UMAD1: variants seen among roughly 807,000 people sequenced by gnomAD.
The protein encoded by UMAD1 is UBAP1-MVB12-associated (UMA) domain containing 1, also known as UBAP1-MVB12-associated (UMA)-domain containing protein 1.
Under a neutral mutation model 6.1 loss-of-function variants are expected in UMAD1, and 8 were observed. The observed-to-expected ratio is 1.30, with a 90% CI of 0.76 to 2.35. UMAD1 has a LOEUF of 2.35. Among genes scored for constraint, UMAD1 ranks in the 30% most tolerant of loss-of-function variants. The pLI is 0.00. For missense variants in UMAD1, 130 were observed against 78.4 expected (o/e 1.66, Z -2.49); for synonymous variants, 56 against 31.4 (o/e 1.78, Z -2.61).
chr7:7,812,729 T>C (rs771004509), intron 3 of UMAD1, among the ~76,000 whole-genome samples: 2 of 152,024 alleles, frequency 1.3e-5, no homozygotes, highest in Admixed American at 6.5e-5. Flanking sequence ...TTTATAGCTT[T>C]AAAAACCACA....
At chr7:7,654,941 T>C in intron 1 of UMAD1, among the ~76,000 whole-genome samples, 1 of 151,916 alleles carries the variant, frequency 6.6e-6, no homozygotes, top group East Asian at 1.9e-4. Context: ...TTAATTGTTG[T>C]ACTGTTTTTT....
chr7:7,770,511 C>T (rs971605648), intron 2 of UMAD1, among the ~76,000 whole-genome samples: 1 of 152,138 alleles, frequency 6.6e-6, no homozygotes, highest in Non-Finnish European at 1.5e-5. Context: ...TATGTAGGAA[C>T]ATTGGCTGTG....
intron 3 of UMAD1, among the ~76,000 whole-genome samples, chr7:7,851,565 G>A (rs1433852875): frequency 6.6e-6 from 1 of 152,138 alleles, no homozygotes; most frequent in Non-Finnish European, 1.5e-5. Context: ...ACCAGAAGTT[G>A]TTATTATCTG....
chr7:7,777,259 T>C (rs1306000674), intron 2 of UMAD1, among the ~76,000 whole-genome samples: 4 of 151,580 alleles, frequency 2.6e-5, no homozygotes, highest in South Asian at 2.1e-4. Context: ...GTAATCCCAG[T>C]ACTTTGGGTG....
rs1205477014 is a variant in UMAD1, at chr7:7,712,734, C to T, written c.82+39281C>T. 2.0e-5 allele frequency among the ~76,000 whole-genome samples: 3 copies of T among 152,298 alleles called. No individual in the cohort carries two copies. The East Asian group carries it at 5.8e-4, about 29-fold the overall frequency. ...TGAAGAGAAGTGTCAAAGAAAACAT[C>T]TTTTCCCCACTTTTGATTGTAAAAA... is the stretch of plus-strand genomic sequence containing the variant. On this transcript the variant is annotated intron_variant, in intron 2 of 3. Transcript: ENST00000682710.
At chr7:7,754,241 CT>C (rs1781733966) in intron 2 of UMAD1, among the ~76,000 whole-genome samples, 1 of 151,930 alleles carries the variant, frequency 6.6e-6, no homozygotes, top group South Asian at 2.1e-4. Flanking sequence ...CAGGGGTTCC[CT>C]TTTCTCCACA....
At chr7:7,849,768 A>G (rs1783878144) in intron 3 of UMAD1, among the ~76,000 whole-genome samples, 1 of 150,080 alleles carries the variant, frequency 6.7e-6, no homozygotes, top group Non-Finnish European at 1.5e-5. Flanking sequence ...AGCAAATGAA[A>G]TAATCTGTGG....
chr7:7,829,066 G>T (rs1783407035), intron 3 of UMAD1, among the ~76,000 whole-genome samples: 1 of 152,168 alleles, frequency 6.6e-6, no homozygotes, highest in African/African-American at 2.4e-5. Flanking sequence ...ATGTAAGTGT[G>T]TTGTAATAGC....
chr7:7,772,789 G>A (rs762622197), intron 2 of UMAD1, among the ~76,000 whole-genome samples: 1 of 152,176 alleles, frequency 6.6e-6, no homozygotes, highest in Non-Finnish European at 1.5e-5. Context: ...AGATGGTAGG[G>A]TACAGTTTGT....
At chr7:7,784,976 C>T in intron 2 of UMAD1, among the ~76,000 whole-genome samples, 1 of 152,082 alleles carries the variant, frequency 6.6e-6, no homozygotes, top group East Asian at 1.9e-4. Flanking sequence ...GTCCTTCCTT[C>T]TTAGAAAGGT....
chr7:7,702,634 A>C (rs552828059), intron 2 of UMAD1, among the ~76,000 whole-genome samples: 13 of 152,316 alleles, frequency 8.5e-5, no homozygotes, highest in African/African-American at 2.9e-4. Context: ...TAAAAAGCAA[A>C]AGTTTCTTAA....
chr7:7,753,758 T>C (rs557984433), intron 2 of UMAD1, among the ~76,000 whole-genome samples: 2 of 152,366 alleles, frequency 1.3e-5, no homozygotes, highest in Admixed American at 1.3e-4. Flanking sequence ...ATCTCTTCAA[T>C]ATACTGATTT....
intron 3 of UMAD1, among the ~76,000 whole-genome samples, chr7:7,838,521 G>A (rs780379624): frequency 9.2e-5 from 14 of 152,126 alleles, no homozygotes; most frequent in Admixed American, 2.0e-4. Flanking sequence ...AATACAATTA[G>A]TAAAACCACT....
At chr7:7,714,740 G>T (rs1780850556) in intron 2 of UMAD1, among the ~76,000 whole-genome samples, 1 of 152,074 alleles carries the variant, frequency 6.6e-6, no homozygotes, top group Admixed American at 6.5e-5. Flanking sequence ...CCTGGGGGAA[G>T]GTTAAAGCAA....
intron 2 of UMAD1, among the ~76,000 whole-genome samples, chr7:7,766,717 G>C (rs1411100948): frequency 2.6e-5 from 4 of 152,056 alleles, no homozygotes; most frequent in African/African-American, 9.7e-5. Context: ...AACTTACCTA[G>C]TATTCATTTT....
chr7:7,786,314 C>T lies in UMAD1; in HGVS notation c.83-15356C>T, dbSNP rs114290730. ...CAAGCTAATTATTTTGTAAAATATC[C>T]CTCAATTTGAGTTTGTCTGACATGT... On this transcript the variant is annotated intron_variant, in intron 2 of 3. Transcript: ENST00000682710. 3.7e-3 allele frequency among the ~76,000 whole-genome samples: 556 copies of T among 152,066 alleles called. 4 individuals carry two copies. The highest frequency in any genetic ancestry group is 0.013 in the African/African-American group (531 of 41,460).
At chr7:7,867,445 T>C (rs1161653285) in intron 3 of UMAD1, among the ~76,000 whole-genome samples, 1 of 151,834 alleles carries the variant, frequency 6.6e-6, no homozygotes, top group Non-Finnish European at 1.5e-5. Context: ...ACTTGAGAAA[T>C]AGACAAAAAG....
chr7:7,818,736 C>A (rs1015409576), intron 3 of UMAD1, among the ~76,000 whole-genome samples: 1 of 152,176 alleles, frequency 6.6e-6, no homozygotes, highest in Admixed American at 6.5e-5. Context: ...GCACTATTCA[C>A]AATAGCAAAG....
intron 2 of UMAD1, among the ~76,000 whole-genome samples, chr7:7,730,871 C>T (rs747304039): frequency 1.3e-5 from 2 of 151,218 alleles, no homozygotes; most frequent in African/African-American, 4.9e-5. Flanking sequence ...GGGCAGTAGT[C>T]GGAGTGGAAG....
Sources: allele counts gnomAD v4.1 joint callset (sites outside exome capture counted in the v4.1 genomes callset), GRCh38; gene constraint gnomAD v4.1.1; transcripts MANE v1.5; gene names NCBI Gene and HGNC (gene_info 2026-07-23, HGNC 2026-07-21).